The following SEC14L5 variants were observed in gnomAD, a reference collection of about 807,000 sequenced individuals.
The protein encoded by SEC14L5 is SEC14 like lipid binding 5.
Under a neutral mutation model 84.6 loss-of-function variants are expected in SEC14L5, and 96 were observed. That is an observed-to-expected ratio of 1.13 (90% CI 0.96 to 1.34). The LOEUF (loss-of-function observed/expected upper bound fraction) is 1.34, where lower values mean the gene tolerates loss of function less well. Ranked by LOEUF, SEC14L5 falls within the 40% of genes most tolerant of loss-of-function variation. The pLI is 0.00. For missense variants in SEC14L5, 1,224 were observed against 942.5 expected (o/e 1.30, Z -3.91); for synonymous variants, 546 against 383.4 (o/e 1.42, Z -4.95).
chr16:4,990,670 C>A, intron 4 of SEC14L5, 97 bp from the exon 5 acceptor site: 9 of 1,247,516 alleles, frequency 7.2e-6, no homozygotes, highest in Non-Finnish European at 8.6e-6. Context: ...CTTTCCACTG[C>A]AGGCTCTGCC....
At chr16:4,992,854 ATATG>A (rs1267173837) in intron 6 of SEC14L5, among the ~76,000 whole-genome samples, 2 of 152,228 alleles carry the variant, frequency 1.3e-5, no homozygotes, top group Admixed American at 6.5e-5. Context: ...ACCCACACAC[ATATG>A]TGTGTACATG....
At chr16:4,962,570 C>T (rs1431858907) in intron 2 of SEC14L5, among the ~76,000 whole-genome samples, 1 of 152,014 alleles carries the variant, frequency 6.6e-6, no homozygotes, top group East Asian at 1.9e-4. Context: ...CACCTGTAAT[C>T]CCAGCTATTC....
At position 5,011,113 on chromosome 16, in the gene SEC14L5, TG is replaced by T. The variant is rs1955795365; in HGVS notation, c.1821del (p.Trp607CysfsTer29). 1.2e-6 allele frequency: 2 copies of T among 1,604,976 alleles called. No individual in the cohort carries two copies. ...GTTTCAGGGCTCCCATGTGACCCGG[TG>T]GCCCGGCGTCTACCTGCTCCAGTGG... ...ESIQGSHVTR[W>X]PGVYLLQWQM... On this transcript the variant is annotated frameshift_variant, in exon 15 of 16. Transcript: ENST00000251170. LOFTEE classifies it high-confidence loss of function.
At position 5,013,059 on chromosome 16, in the gene SEC14L5, CTT is replaced by C. The variant is rs536452280; in HGVS notation, c.1979+1789_1979+1790del. Among the ~76,000 whole-genome samples the C allele has an allele frequency of 7.6e-4, 116 of 152,282 alleles. 1 individual carries two copies. The highest frequency in any genetic ancestry group is 2.7e-3 in the African/African-American group (113 of 41,562). ...GAGAGAGAGCAGAGGAAGCCACACACTTTTACACCATCAGACCTCATGAGAAC... is the reference window on the plus strand; with the variant it reads ...GAGAGAGAGCAGAGGAAGCCACACACTTACACCATCAGACCTCATGAGAAC... On this transcript the variant is annotated intron_variant, in intron 15 of 15. Transcript: ENST00000251170.
At chr16:4,986,362 A>G (rs1387783616) in intron 2 of SEC14L5, among the ~76,000 whole-genome samples, 1 of 151,878 alleles carries the variant, frequency 6.6e-6, no homozygotes, top group South Asian at 2.1e-4. Flanking sequence ...CTGGTCTTGA[A>G]CTCCTGATCT....
intron 14 of SEC14L5, 69 bp downstream of exon 14, chr16:5,008,717 T>TG: frequency 7.2e-7 from 1 of 1,389,050 alleles, no homozygotes; most frequent in South Asian, 1.2e-5. Context: ...GCCAGGCTTC[T>TG]GGGGATACAG....
At position 5,000,909 on chromosome 16, in the gene SEC14L5, C is replaced by A. The variant is rs1955669448; in HGVS notation, c.1114C>A (p.Leu372Met). The A allele has an allele frequency of 1.2e-6, 2 of 1,607,540 alleles. No individual in the cohort carries two copies. The highest frequency in any genetic ancestry group is 1.7e-6 in the Non-Finnish European group (2 of 1,177,210). ...GCGGTGTGAGGGGAGCACAAGGCAG[C>A]TGGGCCGTCCCATCAGGCAAACACC... ...QKRCEGSTRQ[L>M]GRPISSWTCL... The change falls in exon 10 of 16, where the codon CTG becomes ATG. Residue 372 changes from leucine to methionine, a missense_variant. Leu to Met is a conservative substitution (Grantham distance 15, BLOSUM62 2). Transcript: ENST00000251170.
chr16:4,973,680 C>CTTTTTTT (rs34324146), intron 2 of SEC14L5, among the ~76,000 whole-genome samples: 3 of 127,104 alleles, frequency 2.4e-5, no homozygotes, highest in Non-Finnish European at 4.9e-5. Flanking sequence ...TTCTCTGTCT[C>CTTTTTTT]TTTTTTTTTT....
At position 4,981,206 on chromosome 16, in the gene SEC14L5, T is replaced by C. The variant is rs191939139; in HGVS notation, c.64-6351T>C. Among the ~76,000 whole-genome samples, 378 of 148,834 alleles carry C rather than the reference T, an allele frequency of 2.5e-3. 2 individuals are homozygous for C. Among genetic ancestry groups the C allele is most frequent in the Non-Finnish European group, 3.7e-3 (247 of 67,102 alleles). ...ATCTCCACTCACTGCAATCTCTGCC[T>C]CCCTAGTAGCTGGGATTACAGGCAT... On this transcript the variant is annotated intron_variant, in intron 2 of 15. Transcript: ENST00000251170.
Position 4,988,256 on chromosome 16 carries a change from G to T in SEC14L5, c.321G>T (p.Val107=), listed in dbSNP as rs778396542. The T allele has an allele frequency of 6.2e-7, 1 of 1,613,760 alleles. No individual in the cohort carries two copies. The highest frequency in any genetic ancestry group is 1.1e-5 in the South Asian group (1 of 91,062). Residue 107 remains valine (V), a synonymous_variant, in exon 4 of 16, where the codon GTG becomes GTT. Transcript: ENST00000251170. ...AHNETFANRV[V]VNEHCSYTVH... ...ATGAGACCTTCGCCAACCGCGTGGT[G>T]GTGAACGAGCACTGCAGCTACACGG...
At chr16:5,000,549 G>C in intron 8 of SEC14L5, 106 bp from the exon 9 acceptor site, 1 of 829,174 alleles carries the variant, frequency 1.2e-6, no homozygotes, top group Admixed American at 2.3e-5. Flanking sequence ...GCCTTGGTGG[G>C]TTGCAGCCTG....
At chr16:4,969,694 C>G (rs920520607) in intron 2 of SEC14L5, among the ~76,000 whole-genome samples, 3 of 151,994 alleles carry the variant, frequency 2.0e-5, no homozygotes, top group Admixed American at 6.6e-5. Context: ...TGATCTGGTA[C>G]TTTTTGAAAT....
chr16:5,011,153 C>T lies in SEC14L5; in HGVS notation c.1859C>T (p.Pro620Leu), dbSNP rs531352042. ...CTGCTCCAGTGGCAAATGCACAGCCCCCCCAGCAGCGTGGCCTGCAGCCTC... is the reference window on the plus strand; with the variant it reads ...CTGCTCCAGTGGCAAATGCACAGCCTCCCCAGCAGCGTGGCCTGCAGCCTC... ...VYLLQWQMHS[P>L]PSSVACSLPG... The change falls in exon 15 of 16, where the codon CCC (proline) becomes CTC (leucine). Residue 620 changes from proline (P) to leucine (L), a missense_variant. Coordinates refer to ENST00000251170, the MANE Select transcript of SEC14L5 (RefSeq NM_014692.2). 6 of 1,612,648 alleles carry T rather than the reference C, an allele frequency of 3.7e-6. No homozygotes were observed. In the South Asian group the frequency reaches 5.5e-5, roughly 15 times the overall value.
At chr16:4,966,371 T>G (rs1307857286) in intron 2 of SEC14L5, among the ~76,000 whole-genome samples, 2 of 149,970 alleles carry the variant, frequency 1.3e-5, no homozygotes, top group Non-Finnish European at 3.0e-5. Flanking sequence ...CCTCCCGGGT[T>G]CAAGTGATTC....
chr16:4,968,918 T>A (rs1221413363), intron 2 of SEC14L5, among the ~76,000 whole-genome samples: 2 of 152,266 alleles, frequency 1.3e-5, no homozygotes, highest in Non-Finnish European at 1.5e-5. Flanking sequence ...AGCTTGTAAT[T>A]TAGCCAATGC....
chr16:4,978,720 A>T (rs1019396342), intron 2 of SEC14L5, among the ~76,000 whole-genome samples: 3 of 152,126 alleles, frequency 2.0e-5, no homozygotes, highest in South Asian at 2.1e-4. Flanking sequence ...TTCCTGCCTC[A>T]GCCTCCCGAG....
intron 4 of SEC14L5, among the ~76,000 whole-genome samples, chr16:4,989,309 TG>T (rs1415928033): frequency 7.0e-5 from 10 of 143,464 alleles, no homozygotes; most frequent in South Asian, 2.3e-4. Context: ...TTTTTTTTTT[TG>T]TTTGTTTGTT....
At chr16:4,968,757 T>G (rs1596614522) in intron 2 of SEC14L5, among the ~76,000 whole-genome samples, 1 of 152,258 alleles carries the variant, frequency 6.6e-6, no homozygotes, top group South Asian at 2.1e-4. Context: ...TCATCTCTGT[T>G]TTGCAAACCT....
At chr16:4,964,339 A>G (rs1955166901) in intron 2 of SEC14L5, among the ~76,000 whole-genome samples, 3 of 152,098 alleles carry the variant, frequency 2.0e-5, no homozygotes, top group Non-Finnish European at 4.4e-5. Flanking sequence ...CTGTAATCCC[A>G]GCACTTTGGG....
Sources: allele counts gnomAD v4.1 joint callset (sites outside exome capture counted in the v4.1 genomes callset), GRCh38; gene constraint gnomAD v4.1.1; transcripts MANE v1.5; gene names NCBI Gene and HGNC (gene_info 2026-07-23, HGNC 2026-07-21).